The following PRDM9 variants were observed in gnomAD, a reference collection of about 807,000 sequenced individuals.
The protein encoded by PRDM9 is PR/SET domain 9, also known as histone-lysine N-methyltransferase PRDM9.
PRDM9 carries 47 observed loss-of-function variants against 55.6 expected under a neutral mutation model. That is an observed-to-expected ratio of 0.85 (90% CI 0.67 to 1.08). The LOEUF (loss-of-function observed/expected upper bound fraction) is 1.08, where lower values mean the gene tolerates loss of function less well. PRDM9 is among the 50% of genes least tolerant of loss of function. PRDM9 has a pLI of 0.00. For synonymous variants in PRDM9, 312 were observed against 375.7 expected (o/e 0.83, Z 1.96); for missense variants, 867 against 1,040.3 (o/e 0.83, Z 2.29).
rs1459544415 is a variant in PRDM9 at position 23,527,225 on chromosome 5, A to G, written c.2137A>G (p.Thr713Ala). The change falls in exon 11 of 11, where the codon ACA becomes GCA. Residue 713 changes from threonine (T) to alanine (A), a missense_variant. This residue lies in a region of PRDM9 where 92 missense variants were observed against 185.7 expected (regional missense o/e 0.50). Coordinates refer to ENST00000296682, the MANE Select transcript of PRDM9 (RefSeq NM_020227.4). ...GTCAGTCCTCCTCACTCACCAGAGG[A>G]CACACACAGGGGAGAAGCCCTATGT... is the stretch of plus-strand genomic sequence containing the variant. The part of the protein sequence containing the change: ...WQSVLLTHQR[T>A]HTGEKPYVCR... 2.1e-6 allele frequency: 2 copies of G among 970,496 alleles called. No homozygotes were observed. Among genetic ancestry groups the G allele is most frequent in the African/African-American group, 3.5e-5 (2 of 56,504 alleles). The allele number at this position is 970,496 out of a possible 1,614,324, so 60.1% of individuals were successfully genotyped here. A position where few individuals can be genotyped will look rare whatever the true frequency, so the allele number is the denominator to read the frequency against.
intron 4 of PRDM9, among the ~76,000 whole-genome samples, chr5:23,515,438 C>T (rs1379677980): frequency 1.3e-5 from 2 of 152,178 alleles, no homozygotes; most frequent in Non-Finnish European, 2.9e-5. Context: ...ATATGGTTTG[C>T]ATATATTTTC....
intron 4 of PRDM9, among the ~76,000 whole-genome samples, chr5:23,512,703 A>G (rs546977493): frequency 6.6e-6 from 1 of 152,190 alleles, no homozygotes; most frequent in Non-Finnish European, 1.5e-5. Context: ...TTATATGCAC[A>G]TAGTGGTGAA....
intron 5 of PRDM9, among the ~76,000 whole-genome samples, chr5:23,520,134 G>A (rs1201222045): frequency 6.6e-6 from 1 of 151,782 alleles, no homozygotes; most frequent in Middle Eastern, 3.2e-3. Flanking sequence ...GGAGGTTGAG[G>A]TGGGTGGATC....
In PRDM9 at chr5:23,527,403, G is replaced by A. The variant is rs759281170; in HGVS notation, c.2315G>A (p.Gly772Glu). 1.3e-6 allele frequency: 2 copies of A among 1,592,308 alleles called. No individual in the cohort carries two copies. The highest frequency in any genetic ancestry group is 2.9e-5 in the African/African-American group (2 of 68,114). The change falls in exon 11 of 11, where the codon GGG becomes GAG. Residue 772 changes from glycine (G) to glutamate (E), a missense_variant. By Grantham distance (98) the Gly-to-Glu change is moderately conservative. Transcript: ENST00000296682. ...HLLRHQRTHT[G>E]EKPYVCRECG... ...CTCAGACACCAGAGGACACACACAG[G>A]GGAGAAGCCCTATGTCTGCAGGGAG...
intron 9 of PRDM9, among the ~76,000 whole-genome samples, chr5:23,523,659 G>A (rs772867968): frequency 4.6e-5 from 7 of 152,206 alleles, no homozygotes; most frequent in South Asian, 2.1e-4. Flanking sequence ...TGTAATCCAC[G>A]TTTATTAAGC....
Position 23,522,708 on chromosome 5 carries a change from C to T in PRDM9, c.705C>T (p.Pro235=). 6.2e-7 allele frequency: 1 copy of T among 1,614,234 alleles called. No homozygotes were observed. The highest frequency in any genetic ancestry group is 1.7e-5 in the Admixed American group (1 of 60,030). The part of the protein sequence containing the change: ...VKDSAVDKGH[P]NRSALSLPPG... ...ACAGTGCAGTGGACAAGGGGCACCC[C>T]AACCGTTCAGCCCTCAGTCTGCCCC... The change falls in exon 8 of 11, where the codon CCC becomes CCT. Residue 235 remains proline, a synonymous_variant. Coordinates refer to ENST00000296682, the MANE Select transcript of PRDM9 (RefSeq NM_020227.4).
chr5:23,526,792 C>T lies in PRDM9; in HGVS notation c.1704C>T (p.Leu568=), dbSNP rs769520780. The T allele has an allele frequency of 5.0e-6, 8 of 1,587,490 alleles. No homozygotes were observed. The Admixed American group carries it at 1.3e-4, about 25-fold the overall frequency. The change falls in exon 11 of 11, where the codon CTC becomes CTT. Residue 568 remains leucine (L), a synonymous_variant. Coordinates refer to ENST00000296682, the MANE Select transcript of PRDM9 (RefSeq NM_020227.4). The stretch of plus-strand genomic sequence containing the variant: ...GCTTTAGCTGGAAGTCACACCTCCT[C>T]ATTCACCAGAGGATACACACAGGGG... ...GRGFSWKSHL[L]IHQRIHTGEK...
chr5:23,520,791 G>A (rs994862431), intron 5 of PRDM9, among the ~76,000 whole-genome samples: 5 of 151,954 alleles, frequency 3.3e-5, no homozygotes, highest in Non-Finnish European at 4.4e-5. Context: ...CCTTCCCTTT[G>A]ACTTACATAG....
At chr5:23,519,871 C>G (rs1271240750) in intron 5 of PRDM9, among the ~76,000 whole-genome samples, 1 of 151,070 alleles carries the variant, frequency 6.6e-6, no homozygotes, top group East Asian at 2.0e-4. Context: ...TGGTGAAACC[C>G]CATCTCTACT....
intron 4 of PRDM9, among the ~76,000 whole-genome samples, chr5:23,513,995 T>G (rs1178984016): frequency 6.6e-6 from 1 of 152,252 alleles, no homozygotes; most frequent in Non-Finnish European, 1.5e-5. Flanking sequence ...GCAAGTGTTC[T>G]AAATTTCTCC....
At chr5:23,515,627 T>C (rs1360572835) in intron 4 of PRDM9, among the ~76,000 whole-genome samples, 1 of 152,250 alleles carries the variant, frequency 6.6e-6, no homozygotes, top group Non-Finnish European at 1.5e-5. Flanking sequence ...TGTTTTCTTC[T>C]TGAGGTTCTG....
intron 4 of PRDM9, among the ~76,000 whole-genome samples, chr5:23,515,697 A>G (rs1245454586): frequency 1.3e-5 from 2 of 152,180 alleles, no homozygotes; most frequent in African/African-American, 4.8e-5. Context: ...TATATGAGAT[A>G]TGTGGTAAGA....
At position 23,522,666 on chromosome 5, in the gene PRDM9, C is replaced by T. The variant is rs769957121; in HGVS notation, c.663C>T (p.Pro221=). 1 of 1,614,070 alleles carries T rather than the reference C, an allele frequency of 6.2e-7. No homozygotes were observed. Among genetic ancestry groups the T allele is most frequent in the Non-Finnish European group, 8.5e-7 (1 of 1,180,042 alleles). The part of the protein sequence containing the change: ...FFIDSCAAHG[P]PTFVKDSAVD... ...TTGACAGCTGTGCTGCCCATGGGCC[C>T]CCTACATTTGTAAAGGACAGTGCAG... Residue 221 remains proline (P), a synonymous_variant, in exon 8 of 11, where the codon CCC becomes CCT. Transcript: ENST00000296682.
Position 23,526,276 on chromosome 5 carries a change from C to T in PRDM9, c.1188C>T (p.Ala396=). The change falls in exon 11 of 11, where the codon GCC becomes GCT. Residue 396 remains alanine (A), a synonymous_variant. Transcript: ENST00000296682. ...EIHPCPSCCL[A]FSSQKFLSQH... Reference sequence around the variant, plus strand: ...ATCCATGTCCCTCATGCTGTCTGGCCTTTTCAAGTCAGAAATTTCTCAGTC... The same window carrying T: ...ATCCATGTCCCTCATGCTGTCTGGCTTTTTCAAGTCAGAAATTTCTCAGTC... 6.2e-7 allele frequency: 1 copy of T among 1,614,152 alleles called. No individual in the cohort carries two copies. The highest frequency in any genetic ancestry group is 8.5e-7 in the Non-Finnish European group (1 of 1,180,034).
chr5:23,522,916 G>A (rs376945199), intron 8 of PRDM9, 31 bp downstream of exon 8: 14 of 1,614,118 alleles, frequency 8.7e-6, no homozygotes, highest in East Asian at 2.2e-5. Flanking sequence ...CCCCTGTTCT[G>A]TCTTCCCACA....
chr5:23,524,376 G>A lies in PRDM9; in HGVS notation c.993G>A (p.Val331=), dbSNP rs188381798. The change falls in exon 10 of 11, where the codon GTG becomes GTA. Residue 331 remains valine, a synonymous_variant. Transcript: ENST00000296682. ...GGGATGATGAAGAGCAGAACCTGGT[G>A]GCCTTCCAGTACCACAGGCAGATCT... ...CARDDEEQNL[V]AFQYHRQIFY... is the part of the protein sequence containing the mutation. 1.2e-3 allele frequency: 1,901 copies of A among 1,613,914 alleles called. 6 individuals are homozygous for A. The highest frequency in any genetic ancestry group is 1.5e-3 in the Admixed American group (89 of 60,008).
At chr5:23,526,208 C>T (rs780608767) in intron 10 of PRDM9, 25 bp from the exon 11 acceptor site, 3 of 1,606,116 alleles carry the variant, frequency 1.9e-6, no homozygotes, top group East Asian at 2.2e-5. Flanking sequence ...AAACATCTAC[C>T]CTGACCAAAA....
Position 23,521,102 on chromosome 5 carries a change from G to A in PRDM9, c.431G>A (p.Gly144Asp). ...ACAGCAAATTTACTGAATGCAAGTG[G>A]CTCAGAGCAGGCTCAGAAACCAGTG... ...SRTANLLNAS[G>D]SEQAQKPVSP... is the part of the protein sequence containing the mutation. Residue 144 changes from glycine to aspartate, a missense_variant, in exon 6 of 11, where the codon GGC (glycine) becomes GAC (aspartate). Coordinates refer to ENST00000296682, the MANE Select transcript of PRDM9 (RefSeq NM_020227.4). 6.2e-7 allele frequency: 1 copy of A among 1,614,114 alleles called. No homozygotes were observed. Among genetic ancestry groups the A allele is most frequent in the South Asian group, 1.1e-5 (1 of 91,078 alleles).
intron 2 of PRDM9, 136 bp downstream of exon 2, chr5:23,509,238 T>C (rs1466757008): frequency 1.5e-6 from 2 of 1,349,354 alleles, no homozygotes; most frequent in Admixed American, 1.9e-5. Context: ...GGCCAGGACA[T>C]GGGGGAGAAA....
Sources: gnomAD v4.1 joint callset for allele counts (sites outside exome capture counted in the v4.1 genomes callset) on GRCh38, gnomAD v4.1.1 for gene constraint, gnomAD v4.1.1 regional missense constraint, MANE v1.5 for transcripts, NCBI Gene and HGNC (gene_info 2026-07-23, HGNC 2026-07-21) for gene names.